PAWR: variants seen among roughly 807,000 people sequenced by gnomAD.
PAWR encodes the protein pro-apoptotic WT1 regulator, also known as PRKC apoptosis WT1 regulator protein.
In PAWR, 23 loss-of-function variants were observed where a neutral mutation model predicts 32.0. That is an observed-to-expected ratio of 0.72 (90% CI 0.52 to 1.02). The LOEUF (loss-of-function observed/expected upper bound fraction) is 1.02. Ranked by LOEUF, PAWR falls within the 50% of genes least tolerant of loss-of-function variation. The pLI is 0.00. For synonymous variants in PAWR, 226 were observed against 187.1 expected, an observed-to-expected ratio of 1.21 and a Z score of -1.70; for missense variants, 457 against 437.7, an observed-to-expected ratio of 1.04 and a Z score of -0.39.
rs565996405 is a variant in PAWR, at chr12:79,617,813, T to C, written c.648+3263A>G. ...CGGGGCCTGTTGGGAGGTGACTGGA[T>C]CATGGGAGTGGATTTCTCATGAATG... On this transcript the variant is annotated intron_variant, in intron 3 of 6. Transcript: ENST00000328827. 2.6e-5 allele frequency among the ~76,000 whole-genome samples: 4 copies of C among 152,228 alleles called. No individual in the cohort carries two copies. The East Asian group carries it at 5.8e-4, about 22-fold the overall frequency.
intron 2 of PAWR, among the ~76,000 whole-genome samples, chr12:79,627,039 G>T (rs532205808): frequency 6.6e-6 from 1 of 152,028 alleles, no homozygotes; most frequent in East Asian, 1.9e-4. Flanking sequence ...GAATAGTGCC[G>T]CAATAAACAT....
intron 2 of PAWR, among the ~76,000 whole-genome samples, chr12:79,681,306 T>C (rs1018637507): frequency 6.6e-6 from 1 of 152,008 alleles, no homozygotes; most frequent in African/African-American, 2.4e-5. Context: ...ACAAAACACA[T>C]GCATCCAACT....
chr12:79,597,253 C>G lies in PAWR; in HGVS notation c.684-595G>C, dbSNP rs11114187. ...TATTTTGTATTTCTTTTTTCAGAGA[C>G]GGGGTTTCACCATGTTGCCCAGGCT... On this transcript the variant is annotated intron_variant, in intron 4 of 6. Transcript: ENST00000328827. 5.9e-3 allele frequency among the ~76,000 whole-genome samples: 893 copies of G among 151,890 alleles called. 4 individuals carry two copies. The highest frequency in any genetic ancestry group is 0.02 in the Middle Eastern group (6 of 294).
intron 2 of PAWR, among the ~76,000 whole-genome samples, chr12:79,669,993 G>A (rs950978047): frequency 6.6e-6 from 1 of 152,058 alleles, no homozygotes; most frequent in Non-Finnish European, 1.5e-5. Context: ...GAGCCACCAC[G>A]CTTGGCCTTT....
intron 2 of PAWR, among the ~76,000 whole-genome samples, chr12:79,683,571 G>A (rs1878542620): frequency 6.6e-6 from 1 of 150,566 alleles, no homozygotes; most frequent in African/African-American, 2.4e-5. Flanking sequence ...ACTGATTCTA[G>A]TACTGTAACT....
chr12:79,660,313 T>C (rs1877288089), intron 2 of PAWR, among the ~76,000 whole-genome samples: 1 of 152,076 alleles, frequency 6.6e-6, no homozygotes, highest in Admixed American at 6.5e-5. Flanking sequence ...CCTTCCCCAA[T>C]AAACTGAAAA....
intron 2 of PAWR, among the ~76,000 whole-genome samples, chr12:79,630,268 T>C (rs1215664112): frequency 6.6e-6 from 1 of 151,138 alleles, no homozygotes; most frequent in African/African-American, 2.4e-5. Context: ...TATTAAAAGA[T>C]TAAGAAAAAT....
chr12:79,596,839 C>T (rs1408630206), intron 4 of PAWR, 181 bp from the exon 5 acceptor site: 2 of 509,434 alleles, frequency 3.9e-6, no homozygotes, highest in Non-Finnish European at 6.8e-6. Context: ...TGTAAAAGTA[C>T]CATTAATTCT....
chr12:79,677,129 T>C (rs553152381), intron 2 of PAWR, among the ~76,000 whole-genome samples: 40 of 152,296 alleles, frequency 2.6e-4, no homozygotes, highest in Middle Eastern at 3.4e-3. Context: ...AAAGGCCTAG[T>C]GCAGTGTCTA....
chr12:79,596,105 G>A (rs1186353951), intron 5 of PAWR, among the ~76,000 whole-genome samples: 3 of 152,112 alleles, frequency 2.0e-5, no homozygotes, highest in Admixed American at 6.6e-5. Flanking sequence ...AATTTTAGGG[G>A]TTGAATGTCT....
At chr12:79,630,981 T>C (rs936260264) in intron 2 of PAWR, among the ~76,000 whole-genome samples, 2 of 151,942 alleles carry the variant, frequency 1.3e-5, no homozygotes, top group Non-Finnish European at 2.9e-5. Flanking sequence ...AAAAGGACAA[T>C]GACCAAAATG....
intron 2 of PAWR, among the ~76,000 whole-genome samples, chr12:79,655,768 T>A (rs1414861018): frequency 6.6e-6 from 1 of 152,202 alleles, no homozygotes; most frequent in African/African-American, 2.4e-5. Flanking sequence ...TTCTCTATAG[T>A]CAAGTATGAT....
At chr12:79,611,652 A>G (rs1347331456) in intron 4 of PAWR, among the ~76,000 whole-genome samples, 1 of 151,948 alleles carries the variant, frequency 6.6e-6, no homozygotes, top group Non-Finnish European at 1.5e-5. Flanking sequence ...ATTAAAATGG[A>G]GCTCCAAACC....
intron 2 of PAWR, among the ~76,000 whole-genome samples, chr12:79,679,248 G>T (rs1369365534): frequency 4.6e-5 from 7 of 152,092 alleles, no homozygotes; most frequent in Admixed American, 3.3e-4. Context: ...TGTTTCTGAA[G>T]AAACATTTAC....
chr12:79,690,373 C>T lies in PAWR; in HGVS notation c.-129G>A. On this transcript the variant is annotated 5_prime_UTR_variant, in exon 2 of 7. Transcript: ENST00000328827. ...CTCCAGGAGAGGGACGGCCGCCGCT[C>T]CCACAGCAGCCGGCGGGGCTGAGGT... The T allele has an allele frequency of 7.4e-7, 1 of 1,348,468 alleles. No individual in the cohort carries two copies. The highest frequency in any genetic ancestry group is 9.5e-7 in the Non-Finnish European group (1 of 1,054,722). 83.5% of individuals were successfully genotyped at this position (1,348,468 alleles called of 1,614,324 possible).
intron 4 of PAWR, among the ~76,000 whole-genome samples, chr12:79,609,947 G>A (rs548979653): frequency 2.0e-5 from 3 of 152,314 alleles, no homozygotes; most frequent in Non-Finnish European, 2.9e-5. Flanking sequence ...CCTAGATACT[G>A]CCATGGGGAC....
At chr12:79,618,733 T>C (rs558460458) in intron 3 of PAWR, among the ~76,000 whole-genome samples, 3 of 152,288 alleles carry the variant, frequency 2.0e-5, no homozygotes, top group African/African-American at 4.8e-5. Flanking sequence ...TCCCTGATAA[T>C]TTTAACGAGG....
Position 79,690,028 on chromosome 12 carries a change from G to T in PAWR, c.217C>A (p.Leu73Ile). ...AAAANELNNN[L>I]PGGAPAAPAV... is the part of the protein sequence containing the mutation. ...GGTGCGGCCGGCGCGCCGCCCGGGA[G>T]GTTGTTGTTGAGCTCGTTGGCAGCG... The change falls in exon 2 of 7, where the codon CTC becomes ATC. Residue 73 changes from leucine to isoleucine, a missense_variant. Physicochemically the swap from Leu to Ile is conservative, Grantham distance 5. Transcript: ENST00000328827. The T allele has an allele frequency of 1.5e-6, 2 of 1,322,246 alleles. No individual in the cohort carries two copies. The highest frequency in any genetic ancestry group is 1.9e-6 in the Non-Finnish European group (2 of 1,043,412). The allele number at this position is 1,322,246 out of a possible 1,614,324, so 81.9% of individuals were successfully genotyped here. A position where few individuals can be genotyped will look rare whatever the true frequency, so the allele number is the denominator to read the frequency against.
At position 79,592,696 on chromosome 12, in the gene PAWR, T is replaced by TA. The variant is rs1592486714; in HGVS notation, c.937-4dup. ...TCATCTTCTATGTCATCTAGGTCCT[T>TA]AAGAAAAAAAAAAGACACTTTAAAA... On this transcript the variant is annotated splice_region_variant and splice_polypyrimidine_tract_variant and intron_variant, in intron 6 of 6. Transcript: ENST00000328827. 5.5e-6 allele frequency: 4 copies of TA among 720,736 alleles called. No individual in the cohort carries two copies. Among genetic ancestry groups the TA allele is most frequent in the Admixed American group, 2.4e-5 (1 of 42,024 alleles). The allele number at this position is 720,736 out of a possible 1,614,324, so 44.6% of individuals were successfully genotyped here.
Sources: allele counts gnomAD v4.1 joint callset (sites outside exome capture counted in the v4.1 genomes callset), GRCh38; gene constraint gnomAD v4.1.1; transcripts MANE v1.5; gene names NCBI Gene and HGNC (gene_info 2026-07-23, HGNC 2026-07-21).